Variants in COL5A2 observed in about 807,000 individuals in gnomAD.
COL5A2 encodes the protein collagen alpha-2(V) chain.
COL5A2 carries 23 observed loss-of-function variants against 208.2 expected under a neutral mutation model. The ratio of observed to expected loss-of-function variants is 0.11; its 90% confidence interval spans 0.08 to 0.16. The LOEUF (loss-of-function observed/expected upper bound fraction) is 0.16. COL5A2 is among the 10% of genes least tolerant of loss of function. The probability of loss-of-function intolerance (pLI) is 1.00; values close to 1 mark genes in which losing one functional copy is unlikely to be tolerated. For missense variants in COL5A2, 1,590 were observed against 1,956.4 expected (o/e 0.81, Z 3.53); for synonymous variants, 625 against 628.5 (o/e 0.99, Z 0.08).
chr2:189,280,755 A>T, the COL5A2 span, among the ~76,000 whole-genome samples: 1 of 152,102 alleles, frequency 6.6e-6, no homozygotes, highest in Non-Finnish European at 1.5e-5. Flanking sequence ...TAGCCTTAAT[A>T]ACTTCTACAC....
chr2:189,326,227 T>C, the COL5A2 span, among the ~76,000 whole-genome samples: 1 of 152,174 alleles, frequency 6.6e-6, no homozygotes, highest in African/African-American at 2.4e-5. Flanking sequence ...TAAAACCAGT[T>C]TATTATAATG....
chr2:189,267,807 T>A, the COL5A2 span, among the ~76,000 whole-genome samples: 2 of 152,316 alleles, frequency 1.3e-5, no homozygotes, highest in Admixed American at 1.3e-4. Flanking sequence ...TAAAAGTCAT[T>A]TGGCCAACTA....
the COL5A2 span, among the ~76,000 whole-genome samples, chr2:189,254,133 T>C: frequency 1.3e-5 from 2 of 152,266 alleles, no homozygotes; most frequent in South Asian, 2.1e-4. Context: ...TAATCTTGAA[T>C]TCATACAATT....
the COL5A2 span, among the ~76,000 whole-genome samples, chr2:189,284,092 A>G: frequency 6.6e-6 from 1 of 152,184 alleles, no homozygotes; most frequent in Non-Finnish European, 1.5e-5. Context: ...CATATCATAC[A>G]TTGCTTATAT....
the COL5A2 span, among the ~76,000 whole-genome samples, chr2:189,392,458 T>C: frequency 6.6e-6 from 1 of 152,170 alleles, no homozygotes; most frequent in African/African-American, 2.4e-5. Context: ...ACTCATAAAA[T>C]AAAATCAGAG....
At chr2:189,371,050 G>A in the COL5A2 span, among the ~76,000 whole-genome samples, 21 of 151,948 alleles carry the variant, frequency 1.4e-4, no homozygotes, top group African/African-American at 4.6e-4. Context: ...GTTCTCCCTC[G>A]AATAGTTCCT....
intron 18 of COL5A2, 32 bp downstream of exon 18, chr2:189,072,008 T>C (rs760029222): frequency 1.4e-6 from 2 of 1,435,656 alleles, no homozygotes; most frequent in Non-Finnish European, 2.0e-6. Flanking sequence ...TCATGTAGCG[T>C]TAAATACTGT....
In COL5A2 at chr2:189,033,105, T is replaced by A. The variant is rs1685369876; in HGVS notation, c.*965A>T. 1 of 152,556 alleles carries A rather than the reference T, an allele frequency of 6.6e-6. No individual in the cohort carries two copies. The highest frequency in any genetic ancestry group is 1.5e-5 in the Non-Finnish European group (1 of 68,014). 9.5% of individuals were successfully genotyped at this position (152,556 alleles called of 1,614,324 possible). A position where few individuals can be genotyped will look rare whatever the true frequency, so the allele number is the denominator to read the frequency against. On this transcript the variant is annotated 3_prime_UTR_variant, in exon 54 of 54. Coordinates refer to ENST00000374866, the MANE Select transcript of COL5A2 (RefSeq NM_000393.5). ...TTCCAATCATCACATTTGATTAGAG[T>A]CAGCTCCACAACTCAGTTTCTAGAT...
intron 38 of COL5A2, 37 bp from the exon 39 acceptor site, chr2:189,053,055 G>A (rs1397022588): frequency 1.1e-5 from 16 of 1,476,506 alleles, no homozygotes; most frequent in African/African-American, 2.8e-5. Flanking sequence ...TTGATTATAA[G>A]ACTTATAGAC....
the COL5A2 span, among the ~76,000 whole-genome samples, chr2:189,354,852 C>A: frequency 4.6e-5 from 7 of 152,126 alleles, no homozygotes; most frequent in African/African-American, 1.7e-4. Flanking sequence ...TGCTTCTCTG[C>A]TTCTTTTAAT....
At chr2:189,335,117 C>T in the COL5A2 span, among the ~76,000 whole-genome samples, 3 of 151,972 alleles carry the variant, frequency 2.0e-5, no homozygotes, top group Non-Finnish European at 2.9e-5. Flanking sequence ...AATCATAAAG[C>T]TTCTAGAAGA....
chr2:189,361,709 T>C, the COL5A2 span, among the ~76,000 whole-genome samples: 1 of 152,130 alleles, frequency 6.6e-6, no homozygotes, highest in Admixed American at 6.5e-5. Context: ...TTTTGCCATA[T>C]TCCTTTGTGC....
At chr2:189,170,975 T>C (rs1688562482) in intron 1 of COL5A2, among the ~76,000 whole-genome samples, 1 of 152,112 alleles carries the variant, frequency 6.6e-6, no homozygotes, top group Non-Finnish European at 1.5e-5. Context: ...ATTCTCAGTA[T>C]GGTATTGTTC....
intron 1 of COL5A2, among the ~76,000 whole-genome samples, chr2:189,117,880 C>G (rs1380441910): frequency 6.6e-6 from 1 of 151,972 alleles, no homozygotes; most frequent in Non-Finnish European, 1.5e-5. Flanking sequence ...TTGATATATT[C>G]TGATATCCTA....
chr2:189,129,394 T>C lies in COL5A2; in HGVS notation c.98-18945A>G, dbSNP rs367596762. ...TTTTCAATATGAAATATGTAAAATG[T>C]TTGAAAACTGATTTTTCAATGAGGA... is the stretch of plus-strand genomic sequence containing the variant. On this transcript the variant is annotated intron_variant, in intron 1 of 53. Transcript: ENST00000374866. Among the ~76,000 whole-genome samples the C allele has an allele frequency of 3.3e-5, 5 of 152,202 alleles. No homozygotes were observed. In the East Asian group the frequency reaches 5.8e-4, roughly 18 times the overall value.
intron 1 of COL5A2, among the ~76,000 whole-genome samples, chr2:189,177,595 T>C (rs892434956): frequency 2.0e-5 from 3 of 152,210 alleles, no homozygotes; most frequent in African/African-American, 7.2e-5. Context: ...ACAACACATA[T>C]GCAAGCAATT....
At chr2:189,331,584 C>T in the COL5A2 span, among the ~76,000 whole-genome samples, 1 of 152,096 alleles carries the variant, frequency 6.6e-6, no homozygotes. Flanking sequence ...TGCCTACTGC[C>T]ATCCATGTAA....
chr2:189,353,383 C>T, the COL5A2 span, among the ~76,000 whole-genome samples: 4,064 of 152,166 alleles, frequency 0.027, 72 homozygotes, highest in Admixed American at 0.044. Flanking sequence ...CTTTGGGCAA[C>T]GTGGCCATTT....
At chr2:189,143,149 G>A (rs754991589) in intron 1 of COL5A2, among the ~76,000 whole-genome samples, 2 of 152,080 alleles carry the variant, frequency 1.3e-5, no homozygotes, top group East Asian at 1.9e-4. Flanking sequence ...TGTTTGGAGG[G>A]CTGTTGTATA....
Sources: gnomAD v4.1 joint callset for allele counts (sites outside exome capture counted in the v4.1 genomes callset) on GRCh38, gnomAD v4.1.1 for gene constraint, MANE v1.5 for transcripts, NCBI Gene and HGNC (gene_info 2026-07-23, HGNC 2026-07-21) for gene names.